Variants in NUMB observed in about 807,000 individuals in gnomAD.
NUMB encodes the protein NUMB endocytic adaptor protein.
In NUMB, 29 loss-of-function variants were observed where a neutral mutation model predicts 59.7. The observed-to-expected ratio is 0.49, with a 90% confidence interval of 0.36 to 0.66. The LOEUF (loss-of-function observed/expected upper bound fraction) is 0.66, where lower values mean the gene tolerates loss of function less well. NUMB is among the 30% of genes least tolerant of loss of function. NUMB has a pLI of 0.00. For synonymous variants in NUMB, 288 were observed against 288.2 expected (o/e 1.00, Z 0.01); for missense variants, 723 against 822.0 (o/e 0.88, Z 1.47).
chr14:73,449,090 A>ATT lies in NUMB; in HGVS notation c.-233+9402_-233+9403insAA, dbSNP rs1259174200. Among the ~76,000 whole-genome samples, 3 of 152,306 alleles carry ATT rather than the reference A, an allele frequency of 2.0e-5. No individual in the cohort carries two copies. In the East Asian group the frequency reaches 5.8e-4, roughly 29 times the overall value. On this transcript the variant is annotated intron_variant, in intron 1 of 12. Coordinates refer to ENST00000555238, the MANE Select transcript of NUMB (RefSeq NM_001005743.2). Reference sequence around the variant, plus strand: ...CAGTATAACTATGTACATAACATTTATATCATATTAGGTTGGTGTAAAAGT... The same window carrying ATT: ...CAGTATAACTATGTACATAACATTTATTTATCATATTAGGTTGGTGTAAAAGT...
chr14:73,402,066 T>C (rs575740385), intron 2 of NUMB, among the ~76,000 whole-genome samples: 4 of 152,250 alleles, frequency 2.6e-5, no homozygotes, highest in African/African-American at 9.6e-5. Flanking sequence ...GGTCTCACTA[T>C]GTTTGCCCAG....
At chr14:73,328,938 A>T (rs937960214) in intron 4 of NUMB, among the ~76,000 whole-genome samples, 2 of 152,250 alleles carry the variant, frequency 1.3e-5, no homozygotes, top group East Asian at 3.9e-4. Context: ...GCGTGATCTC[A>T]GCTCACTACA....
rs577566011 is a variant in NUMB at position 73,399,878 on chromosome 14, T to C, written c.-101+10059A>G. 1.8e-3 allele frequency among the ~76,000 whole-genome samples: 271 copies of C among 151,934 alleles called. 1 individual carries two copies. The highest frequency in any genetic ancestry group is 5.8e-3 in the African/African-American group (241 of 41,462). On this transcript the variant is annotated intron_variant, in intron 2 of 12. Coordinates refer to ENST00000555238, the MANE Select transcript of NUMB (RefSeq NM_001005743.2). Reference sequence around the variant, plus strand: ...AGCCAACATGGAGAAACCCCATCTCTACAAAAATAAAAAAATTAGCTGGAT... The same window carrying C: ...AGCCAACATGGAGAAACCCCATCTCCACAAAAATAAAAAAATTAGCTGGAT...
chr14:73,437,074 G>T (rs1372906287), intron 1 of NUMB, among the ~76,000 whole-genome samples: 17 of 122,648 alleles, frequency 1.4e-4, no homozygotes, highest in Non-Finnish European at 2.1e-4. Flanking sequence ...TTGAGACAGG[G>T]TCTTGCTGTT....
intron 2 of NUMB, among the ~76,000 whole-genome samples, chr14:73,370,434 G>T (rs1432571533): frequency 6.6e-6 from 1 of 152,196 alleles, no homozygotes; most frequent in Non-Finnish European, 1.5e-5. Flanking sequence ...GCTCACGCTT[G>T]TAATCCCAGC....
intron 1 of NUMB, among the ~76,000 whole-genome samples, chr14:73,419,924 A>C (rs1458641334): frequency 6.6e-6 from 1 of 152,192 alleles, no homozygotes. Context: ...GGAGTGCAGT[A>C]GTGCCATCTT....
chr14:73,406,638 T>C (rs918229884), intron 2 of NUMB, among the ~76,000 whole-genome samples: 1 of 152,186 alleles, frequency 6.6e-6, no homozygotes, highest in Non-Finnish European at 1.5e-5. Flanking sequence ...TCAAATGGTA[T>C]TTCTAGTTCT....
intron 3 of NUMB, among the ~76,000 whole-genome samples, chr14:73,361,187 G>T (rs1894082109): frequency 6.6e-6 from 1 of 152,152 alleles, no homozygotes; most frequent in Non-Finnish European, 1.5e-5. Flanking sequence ...ACTGCACATG[G>T]CCTATAGTTT....
intron 7 of NUMB, among the ~76,000 whole-genome samples, chr14:73,295,545 G>C (rs183810901): frequency 6.6e-6 from 1 of 152,082 alleles, no homozygotes; most frequent in East Asian, 1.9e-4. Context: ...TAAAAGTGAA[G>C]ACTATTGCTT....
intron 4 of NUMB, among the ~76,000 whole-genome samples, chr14:73,352,477 C>CACACACAT (rs1566756099): frequency 4.7e-4 from 6 of 12,684 alleles, no homozygotes; most frequent in Non-Finnish European, 8.3e-4. Flanking sequence ...CACACACACA[C>CACACACAT]ATATATATAT....
intron 1 of NUMB, among the ~76,000 whole-genome samples, chr14:73,410,587 A>C (rs1018865099): frequency 2.0e-5 from 3 of 152,240 alleles, no homozygotes; most frequent in Non-Finnish European, 4.4e-5. Context: ...GTTACCAATT[A>C]TGCTTACTAT....
In NUMB at chr14:73,317,682, G is replaced by C. The variant is rs1315497364; in HGVS notation, c.202-1260C>G. Among the ~76,000 whole-genome samples the C allele has an allele frequency of 2.0e-5, 3 of 152,130 alleles. No individual in the cohort carries two copies. The East Asian group carries it at 5.8e-4, about 29-fold the overall frequency. Reference sequence around the variant, plus strand: ...TTCTGAAACTATCTGGATAACAGAGGCATAACTATCTATGCTATCAGCACC... The same window carrying C: ...TTCTGAAACTATCTGGATAACAGAGCCATAACTATCTATGCTATCAGCACC... On this transcript the variant is annotated intron_variant, in intron 5 of 12. Coordinates refer to ENST00000555238, the MANE Select transcript of NUMB (RefSeq NM_001005743.2).
At chr14:73,290,252 AC>A (rs1889304230) in intron 8 of NUMB, among the ~76,000 whole-genome samples, 1 of 152,234 alleles carries the variant, frequency 6.6e-6, no homozygotes. Context: ...CAGTTTTGTT[AC>A]TTCAACTCAT....
chr14:73,293,681 G>A (rs1307656434), intron 7 of NUMB, among the ~76,000 whole-genome samples: 1 of 152,150 alleles, frequency 6.6e-6, no homozygotes, highest in African/African-American at 2.4e-5. Context: ...ACGAGCCACC[G>A]TGCCCAGCCA....
intron 2 of NUMB, among the ~76,000 whole-genome samples, chr14:73,378,024 C>T (rs973872510): frequency 4.4e-4 from 63 of 142,220 alleles, no homozygotes; most frequent in African/African-American, 1.6e-3. Flanking sequence ...CACACATACA[C>T]ACACACACAC....
rs552605040 is a variant in NUMB at position 73,280,724 on chromosome 14, G to A, written c.1097-1300C>T. 5.3e-4 allele frequency among the ~76,000 whole-genome samples: 64 copies of A among 120,548 alleles called. No individual in the cohort carries two copies. In the South Asian group the frequency reaches 9.9e-3, roughly 19 times the overall value. 79.1% of individuals were successfully genotyped at this position (120,548 alleles called of 152,430 possible). A position where few individuals can be genotyped will look rare whatever the true frequency, so the allele number is the denominator to read the frequency against. On this transcript the variant is annotated intron_variant, in intron 11 of 12. Coordinates refer to ENST00000555238, the MANE Select transcript of NUMB (RefSeq NM_001005743.2). ...TTTTTTTTTTTTGAGATGGGGTCTC[G>A]CTCTTGTCACCCAGGCTGGAGTGCA... is the stretch of plus-strand genomic sequence containing the variant.
At chr14:73,292,073 CTG>C (rs1889438852) in intron 8 of NUMB, among the ~76,000 whole-genome samples, 1 of 152,116 alleles carries the variant, frequency 6.6e-6, no homozygotes, top group African/African-American at 2.4e-5. Flanking sequence ...AGGTCTCACT[CTG>C]TCACCCAGGC....
intron 3 of NUMB, among the ~76,000 whole-genome samples, chr14:73,362,068 A>G (rs56724546): frequency 0.051 from 7,828 of 152,114 alleles, 656 homozygotes; most frequent in African/African-American, 0.18. Context: ...ACCAGCCTGG[A>G]CAACATGGCA....
At chr14:73,418,024 G>A (rs918027362) in intron 1 of NUMB, among the ~76,000 whole-genome samples, 1 of 151,846 alleles carries the variant, frequency 6.6e-6, no homozygotes, top group African/African-American at 2.4e-5. Flanking sequence ...AGAATCACTT[G>A]AACCCAGGAG....
Sources: allele counts gnomAD v4.1 joint callset (sites outside exome capture counted in the v4.1 genomes callset), GRCh38; gene constraint gnomAD v4.1.1; transcripts MANE v1.5; gene names NCBI Gene and HGNC (gene_info 2026-07-23, HGNC 2026-07-21).